The following KCTD19 variants were observed in gnomAD, a reference collection of about 807,000 sequenced individuals.
KCTD19 encodes BTB/POZ domain-containing protein KCTD19.
KCTD19 carries 67 observed loss-of-function variants against 103.5 expected under a neutral mutation model. That is an observed-to-expected ratio of 0.65 (90% confidence interval 0.53 to 0.79). The LOEUF is 0.79. KCTD19 is among the 30% of genes least tolerant of loss of function. The pLI, the probability that KCTD19 is intolerant of heterozygous loss-of-function variation, is 0.00. For synonymous variants in KCTD19, 439 were observed against 452.2 expected, an observed-to-expected ratio of 0.97 and a Z score of 0.37; for missense variants, 980 against 1,136.1, an observed-to-expected ratio of 0.86 and a Z score of 1.98.
chr16:67,294,251 C>T, intron 11 of KCTD19, 80 bp from the exon 12 acceptor site: 2 of 1,396,326 alleles, frequency 1.4e-6, no homozygotes, highest in South Asian at 2.7e-5. Flanking sequence ...ATAAGCTGGG[C>T]CTCCAAGACT....
At chr16:67,311,018 C>T (rs926604452) in intron 2 of KCTD19, among the ~76,000 whole-genome samples, 10 of 152,226 alleles carry the variant, frequency 6.6e-5, no homozygotes, top group African/African-American at 2.4e-4. Context: ...TCACCTCACT[C>T]TGCAGAAGTC....
At chr16:67,314,049 G>A (rs1358298609) in intron 2 of KCTD19, among the ~76,000 whole-genome samples, 2 of 151,914 alleles carry the variant, frequency 1.3e-5, no homozygotes, top group East Asian at 3.9e-4. Flanking sequence ...TAGAGATGAT[G>A]TCTCATTATG....
In KCTD19 at chr16:67,299,512, G is replaced by A. The variant is rs369820775; in HGVS notation, c.837C>T (p.Ser279=). 3.1e-6 allele frequency: 5 copies of A among 1,613,458 alleles called. No individual in the cohort carries two copies. Among genetic ancestry groups the A allele is most frequent in the Non-Finnish European group, 4.2e-6 (5 of 1,179,882 alleles). ...TGTAGAGCGGTTTCACGGACTCCAG[G>A]CTGGCTGTGCGGGCCCCCTTCCCGG... ...LSPGKGARTA[S]LESVKPLYTM... Residue 279 remains serine (S), a synonymous_variant, in exon 6 of 16, where the codon AGC becomes AGT. Coordinates refer to ENST00000304372, the MANE Select transcript of KCTD19 (RefSeq NM_001100915.3).
Position 67,299,339 on chromosome 16 carries a change from AGTGTGCCCTAAGGAGGACCTCACTTGAC to A in KCTD19, c.982_986+23del. On this transcript the variant is annotated splice_donor_variant and splice_donor_5th_base_variant and coding_sequence_variant and intron_variant, in exon 6 of 16. Coordinates refer to ENST00000304372, the MANE Select transcript of KCTD19 (RefSeq NM_001100915.3). LOFTEE classifies it high-confidence loss of function. ...GGCAGAGCCAAGGGTGATGGGACTCAGTGTGCCCTAAGGAGGACCTCACTTGACGTGCTGAAAGAGGACGCCATTCCCT... is the reference window on the plus strand; with the variant it reads ...GGCAGAGCCAAGGGTGATGGGACTCAGTGCTGAAAGAGGACGCCATTCCCT... The A allele has an allele frequency of 6.2e-7, 1 of 1,607,704 alleles. No individual in the cohort carries two copies. The highest frequency in any genetic ancestry group is 2.2e-5 in the East Asian group (1 of 44,862).
rs1452726463 is a variant in KCTD19 at position 67,297,591 on chromosome 16, T to G, written c.1059A>C (p.Leu353=). Reference sequence around the variant, plus strand: ...GCTCGTAGGTGATGTCCCTTTTGTCTAGGAAGGCACAGAGCTCATATACCT... The same window carrying G: ...GCTCGTAGGTGATGTCCCTTTTGTCGAGGAAGGCACAGAGCTCATATACCT... ...ISEVYELCAF[L]DKRDITYEPI... Residue 353 remains leucine, a synonymous_variant, in exon 7 of 16, where the codon CTA becomes CTC. Transcript: ENST00000304372. 2 of 1,613,994 alleles carry G rather than the reference T, an allele frequency of 1.2e-6. No homozygotes were observed. Among genetic ancestry groups the G allele is most frequent in the Non-Finnish European group, 1.7e-6 (2 of 1,179,998 alleles).
chr16:67,290,981 C>G lies in KCTD19; in HGVS notation c.2571G>C (p.Leu857=). The G allele has an allele frequency of 1.2e-6, 2 of 1,613,954 alleles. No individual in the cohort carries two copies. The highest frequency in any genetic ancestry group is 1.7e-6 in the Non-Finnish European group (2 of 1,179,938). The change falls in exon 15 of 16, where the codon CTG becomes CTC. Residue 857 remains leucine (L), a synonymous_variant. Coordinates refer to ENST00000304372, the MANE Select transcript of KCTD19 (RefSeq NM_001100915.3). ...CCACAAACTGCTTGGGGCTGATGTG[C>G]AGGGTCTGCCAGGAGAGCCCACAGT... ...VVSLANRLWT[L]HISPKQFVVD... is the part of the protein sequence containing the mutation.
intron 2 of KCTD19, among the ~76,000 whole-genome samples, chr16:67,311,643 G>A (rs982088250): frequency 7.2e-5 from 11 of 152,020 alleles, no homozygotes; most frequent in African/African-American, 2.7e-4. Context: ...AAGAGGAAAC[G>A]GCAAGTGAAA....
chr16:67,296,831 G>A (rs2036770573), intron 7 of KCTD19, among the ~76,000 whole-genome samples: 1 of 151,880 alleles, frequency 6.6e-6, no homozygotes, highest in Non-Finnish European at 1.5e-5. Flanking sequence ...AATGAATGAA[G>A]GGTATATAAC....
chr16:67,309,842 G>T (rs965365017), intron 2 of KCTD19, among the ~76,000 whole-genome samples: 3 of 152,154 alleles, frequency 2.0e-5, no homozygotes, highest in African/African-American at 7.2e-5. Flanking sequence ...GCTAGTTGAG[G>T]AGAGAATGAT....
chr16:67,324,908 C>T (rs2037114410), intron 1 of KCTD19, among the ~76,000 whole-genome samples: 1 of 152,142 alleles, frequency 6.6e-6, no homozygotes, highest in Admixed American at 6.5e-5. Context: ...AATGAGCTAA[C>T]CTAGAATTCT....
intron 9 of KCTD19, 41 bp downstream of exon 9, chr16:67,295,222 G>T: frequency 6.2e-7 from 1 of 1,608,300 alleles, no homozygotes; most frequent in South Asian, 1.1e-5. Flanking sequence ...GGAGGGGTCA[G>T]CCTTCGTGAT....
chr16:67,306,048 A>G (rs1388454054), intron 2 of KCTD19, among the ~76,000 whole-genome samples: 1 of 152,116 alleles, frequency 6.6e-6, no homozygotes, highest in African/African-American at 2.4e-5. Context: ...AATGGGGGAG[A>G]CAGTGTGTGC....
rs372306189 is a variant in KCTD19, at chr16:67,296,145, G to A, written c.1248+14C>T. 25 of 1,539,352 alleles carry A rather than the reference G, an allele frequency of 1.6e-5. No individual in the cohort carries two copies. In the Middle Eastern group the frequency reaches 5.1e-4, roughly 31 times the overall value. On this transcript the variant is annotated intron_variant, in intron 8 of 15. Transcript: ENST00000304372. ...ATGCCAGATGGGGAGCAGGGCAGCC[G>A]AGGCCGTCAGTACCTTCAGCAGTGT...
chr16:67,293,401 T>C lies in KCTD19; in HGVS notation c.2218+143A>G, dbSNP rs553928544. 1.3e-4 allele frequency: 117 copies of C among 891,468 alleles called. No individual in the cohort carries two copies. Among genetic ancestry groups the C allele is most frequent in the Admixed American group, 5.4e-4 (23 of 42,236 alleles). 55.2% of individuals were successfully genotyped at this position (891,468 alleles called of 1,614,324 possible). ...CATGCCAATGTGCCAGTCATTTCTG[T>C]GTCTGCTGCCTGGCACAGAGATGGC... On this transcript the variant is annotated intron_variant, in intron 12 of 15. Transcript: ENST00000304372. The surrounding 1 kb of genome is among the most constrained non-coding windows in gnomAD (Gnocchi z 4.0).
intron 2 of KCTD19, among the ~76,000 whole-genome samples, chr16:67,317,717 G>A (rs2142522227): frequency 6.6e-6 from 1 of 152,082 alleles, no homozygotes; most frequent in Admixed American, 6.5e-5. Context: ...TACTGTTTTA[G>A]ATGTGGCTAT....
intron 10 of KCTD19, 93 bp from the exon 11 acceptor site, chr16:67,294,787 G>T: frequency 9.6e-7 from 1 of 1,039,880 alleles, no homozygotes; most frequent in Non-Finnish European, 1.5e-6. Context: ...GGGAGTTAAT[G>T]CTAGACAGCA....
rs1331654926 is a variant in KCTD19 at position 67,323,652 on chromosome 16, T to C, written c.4-2767A>G. ...TATGATTCCATCCACATGCAATGTGTGGACAAGGCAAATTTCTAGAGATAG... is the reference window on the plus strand; with the variant it reads ...TATGATTCCATCCACATGCAATGTGCGGACAAGGCAAATTTCTAGAGATAG... On this transcript the variant is annotated intron_variant, in intron 1 of 15. Coordinates refer to ENST00000304372, the MANE Select transcript of KCTD19 (RefSeq NM_001100915.3). The surrounding 1 kb of genome is among the most constrained non-coding windows in gnomAD (Gnocchi z 4.1). Among the ~76,000 whole-genome samples, 1 of 152,174 alleles carries C rather than the reference T, an allele frequency of 6.6e-6. No individual in the cohort carries two copies. Among genetic ancestry groups the C allele is most frequent in the African/African-American group, 2.4e-5 (1 of 41,458 alleles).
At chr16:67,324,956 T>C (rs996318367) in intron 1 of KCTD19, among the ~76,000 whole-genome samples, 1 of 152,162 alleles carries the variant, frequency 6.6e-6, no homozygotes, top group African/African-American at 2.4e-5. Context: ...TACAAGTTCA[T>C]GTTCAGGCAA....
chr16:67,289,771 G>T, intron 15 of KCTD19, 89 bp from the exon 16 acceptor site: 1 of 918,896 alleles, frequency 1.1e-6, no homozygotes, highest in Non-Finnish European at 1.7e-6. Flanking sequence ...TTGGGGCAGG[G>T]ACAGGGCAAG....
Sources: allele counts gnomAD v4.1 joint callset (sites outside exome capture counted in the v4.1 genomes callset), GRCh38; gene constraint gnomAD v4.1.1; non-coding constraint Gnocchi (gnomAD v3.1); transcripts MANE v1.5; gene names NCBI Gene and HGNC (gene_info 2026-07-23, HGNC 2026-07-21).